Variants in SHCBP1 observed in about 807,000 individuals in gnomAD.
SHCBP1 encodes SHC SH2 domain-binding protein 1.
A neutral mutation model predicts 75.1 loss-of-function variants in SHCBP1; 60 were observed. That is an observed-to-expected ratio of 0.80 (90% CI 0.65 to 0.99). SHCBP1 has a LOEUF of 0.99. Among genes scored for constraint, SHCBP1 ranks in the 50% least tolerant of loss-of-function variants. SHCBP1 has a pLI of 0.00. For missense variants in SHCBP1, 709 were observed against 809.4 expected, an observed-to-expected ratio of 0.88 and a Z score of 1.50; for synonymous variants, 290 against 293.2, an observed-to-expected ratio of 0.99 and a Z score of 0.11.
chr16:46,595,769 C>T (rs1965128647), intron 9 of SHCBP1, 99 bp from the exon 10 acceptor site: 2 of 684,668 alleles, frequency 2.9e-6, no homozygotes, highest in African/African-American at 3.7e-5. Flanking sequence ...CTAAATATTT[C>T]TCAATGGCTA....
chr16:46,608,237 AT>A, intron 5 of SHCBP1, 59 bp downstream of exon 5: 2 of 1,223,288 alleles, frequency 1.6e-6, no homozygotes, highest in Non-Finnish European at 2.4e-6. Context: ...CACAGGCAAA[AT>A]TAAACCATGG....
At position 46,618,319 on chromosome 16, in the gene SHCBP1, C is replaced by G; in HGVS notation, c.157G>C (p.Gly53Arg). 6.2e-7 allele frequency: 1 copy of G among 1,613,212 alleles called. No individual in the cohort carries two copies. The highest frequency in any genetic ancestry group is 8.5e-7 in the Non-Finnish European group (1 of 1,179,774). The change falls in exon 2 of 13, where the codon GGT becomes CGT. Residue 53 changes from glycine (G) to arginine (R), a missense_variant. Gly to Arg is a moderately radical substitution (Grantham distance 125). Coordinates refer to ENST00000303383, the MANE Select transcript of SHCBP1 (RefSeq NM_024745.5). The part of the protein sequence containing the change: ...CSDCSYRDKP[G>R]SSLQSFMPEG... ...GGCATAAAACTTTGTAAACTAGAAC[C>G]TGGTTTATCACGGTAGCTACAATCA...
Position 46,617,671 on chromosome 16 carries a change from G to A in SHCBP1, c.350C>T (p.Ala117Val), listed in dbSNP as rs1045374791. The A allele has an allele frequency of 1.2e-6, 2 of 1,613,642 alleles. No individual in the cohort carries two copies. The highest frequency in any genetic ancestry group is 1.7e-6 in the Non-Finnish European group (2 of 1,180,014). Residue 117 changes from alanine to valine, a missense_variant, in exon 3 of 13, where the codon GCA becomes GTA. Ala to Val is a moderately conservative substitution (Grantham distance 64). Transcript: ENST00000303383. ...EKVLEPSGWR[A>V]VWHTNVFKVL... is the part of the protein sequence containing the mutation. ...CTTGAACACATTAGTGTGCCAGACT[G>A]CCCGCCATCCAGATGGCTCAAGGAC... is the stretch of plus-strand genomic sequence containing the variant.
At chr16:46,612,473 T>C (rs1234791105) in intron 4 of SHCBP1, among the ~76,000 whole-genome samples, 1 of 152,122 alleles carries the variant, frequency 6.6e-6, no homozygotes, top group Non-Finnish European at 1.5e-5. Flanking sequence ...CTTTTGTTGT[T>C]GTTGTTGTTG....
chr16:46,594,836 C>A (rs1371187002), intron 10 of SHCBP1, among the ~76,000 whole-genome samples: 2 of 152,144 alleles, frequency 1.3e-5, no homozygotes, highest in African/African-American at 4.8e-5. Context: ...AAACTGGAGA[C>A]AATCTAGACA....
At position 46,579,115 on chromosome 16, in the gene SHCBP1, C is replaced by T. The variant is rs868678541; in HGVS notation, c.*2614G>A. ...CATCTAAAGAAGCTAAAATAAAATA[C>T]TCAAATCAGCAAAATAGAATTTTGC... On this transcript the variant is annotated 3_prime_UTR_variant, in exon 13 of 13. Transcript: ENST00000303383. 2.6e-5 allele frequency among the ~76,000 whole-genome samples: 4 copies of T among 152,136 alleles called. No homozygotes were observed. The highest frequency in any genetic ancestry group is 4.4e-5 in the Non-Finnish European group (3 of 68,014).
chr16:46,604,415 C>G lies in SHCBP1; in HGVS notation c.736G>C (p.Asp246His), dbSNP rs768024463. ...EDRVPSGLIV[D>H]YHNLLSQCEE... ...CATTGAGACAACAGATTGTGGTAGTCAACAATAAGTCCTGATGGAACTCGG... is the reference window on the plus strand; with the variant it reads ...CATTGAGACAACAGATTGTGGTAGTGAACAATAAGTCCTGATGGAACTCGG... The change falls in exon 6 of 13, where the codon GAC (aspartate) becomes CAC (histidine). Residue 246 changes from aspartate to histidine, a missense_variant. By Grantham distance (81) the Asp-to-His change is moderately conservative. Coordinates refer to ENST00000303383, the MANE Select transcript of SHCBP1 (RefSeq NM_024745.5). 104 of 1,613,968 alleles carry G rather than the reference C, an allele frequency of 6.4e-5. 2 individuals carry two copies. In the South Asian group the frequency reaches 1.1e-3, roughly 17 times the overall value.
In SHCBP1 at chr16:46,616,573, A is replaced by T. The variant is rs1385185234; in HGVS notation, c.388-419T>A. On this transcript the variant is annotated intron_variant, in intron 3 of 12. Coordinates refer to ENST00000303383, the MANE Select transcript of SHCBP1 (RefSeq NM_024745.5). This position sits in a 1 kb window ranked among gnomAD's most constrained non-coding sequence, Gnocchi z 4.4. Reference sequence around the variant, plus strand: ...TGCTGGAGCCAAAGGGAGGAAATGGAGGAGGGGGGCGGTGTGCAGTGGAGC... The same window carrying T: ...TGCTGGAGCCAAAGGGAGGAAATGGTGGAGGGGGGCGGTGTGCAGTGGAGC... Among the ~76,000 whole-genome samples, 5 of 152,074 alleles carry T rather than the reference A, an allele frequency of 3.3e-5. No homozygotes were observed. The highest frequency in any genetic ancestry group is 5.9e-5 in the Non-Finnish European group (4 of 68,008).
intron 5 of SHCBP1, among the ~76,000 whole-genome samples, chr16:46,604,937 T>A (rs2334116): frequency 0.99 from 150,051 of 152,302 alleles, 73,944 homozygotes; most frequent in East Asian, 1. Flanking sequence ...AAAATTTTTT[T>A]AAGGTTATCA....
chr16:46,604,158 A>C lies in SHCBP1; in HGVS notation c.924-15T>G. ...CAAACACATACCTTAAAGAAACGAA[A>C]CAGGCCTATCAGTAAGACAGCAAGT... On this transcript the variant is annotated splice_polypyrimidine_tract_variant and intron_variant, in intron 6 of 12. Transcript: ENST00000303383. 1 of 1,613,694 alleles carries C rather than the reference A, an allele frequency of 6.2e-7. No homozygotes were observed. The highest frequency in any genetic ancestry group is 1.1e-5 in the South Asian group (1 of 90,942).
chr16:46,596,489 A>AGAGTGAGACCTCTGCCTCTTGGTT (rs1491175786), intron 9 of SHCBP1, among the ~76,000 whole-genome samples: 1 of 151,582 alleles, frequency 6.6e-6, no homozygotes, highest in Non-Finnish European at 1.5e-5. Context: ...CCTGGGTGAC[A>AGAGTGAGACCTCTGCCTCTTGGTT]GAGTGAGACC....
In SHCBP1 at chr16:46,581,810, C is replaced by T. The variant is rs1306317986; in HGVS notation, c.1938G>A (p.Met646Ile). ...CAATCCCAACAAACATCTCCTGTGA[C>T]ATTAAGTTGTCATCAGCTTGCGTGA... ...LGITQADDNL[M>I]SQEMFVGIVG... Residue 646 changes from methionine (M) to isoleucine (I), a missense_variant, in exon 13 of 13, where the codon ATG becomes ATA. Physicochemically the swap from Met to Ile is conservative, Grantham distance 10 (BLOSUM62 1). Transcript: ENST00000303383. The T allele has an allele frequency of 1.2e-6, 2 of 1,614,082 alleles. No homozygotes were observed. Among genetic ancestry groups the T allele is most frequent in the African/African-American group, 1.3e-5 (1 of 74,928 alleles).
intron 9 of SHCBP1, 134 bp downstream of exon 9, chr16:46,599,693 CTCAG>C: frequency 4.9e-5 from 1 of 20,404 alleles, no homozygotes; most frequent in Non-Finnish European, 9.0e-5. Context: ...AAAAAAAAAA[CTCAG>C]CATCGTGAAG....
chr16:46,621,115 TG>T, intron 1 of SHCBP1, 141 bp downstream of exon 1: 1 of 683,656 alleles, frequency 1.5e-6, no homozygotes, highest in Non-Finnish European at 2.3e-6. Context: ...GTCCCGTCAC[TG>T]GGTCCCGGCC....
At chr16:46,618,481 A>G (rs1965537917) in intron 1 of SHCBP1, 109 bp from the exon 2 acceptor site, 4 of 1,212,222 alleles carry the variant, frequency 3.3e-6, no homozygotes, top group Non-Finnish European at 4.4e-6. Flanking sequence ...GAATTTGAAT[A>G]TGAATAGTCT....
chr16:46,595,558 G>A lies in SHCBP1; in HGVS notation c.1458C>T (p.Gly486=), dbSNP rs781210656. Residue 486 remains glycine (G), a synonymous_variant, in exon 10 of 13, where the codon GGC becomes GGT. Coordinates refer to ENST00000303383, the MANE Select transcript of SHCBP1 (RefSeq NM_024745.5). The stretch of plus-strand genomic sequence containing the variant: ...AGAGGACAAGAGCTTCTACCTTGGC[G>A]CCATATAAATCCGAGTTCTTCATTA... ...EFLMKNSDLY[G]AKGAGIEIYP... The A allele has an allele frequency of 3.4e-5, 55 of 1,612,666 alleles. No homozygotes were observed. The highest frequency in any genetic ancestry group is 1.2e-4 in the African/African-American group (9 of 74,824).
rs1965507248 is a variant in SHCBP1, at chr16:46,616,828, TA to T, written c.388-675del. Among the ~76,000 whole-genome samples the T allele has an allele frequency of 6.6e-6, 1 of 152,130 alleles. No homozygotes were observed. Among genetic ancestry groups the T allele is most frequent in the Non-Finnish European group, 1.5e-5 (1 of 68,032 alleles). ...CTGATTGGCGGGGGGGCACTTATCA[TA>T]ACCAAATGAATAGGCCTGAACTTCA... On this transcript the variant is annotated intron_variant, in intron 3 of 12. Transcript: ENST00000303383. This position sits in a 1 kb window ranked among gnomAD's most constrained non-coding sequence, Gnocchi z 4.4.
chr16:46,587,836 T>C (rs1270319505), intron 10 of SHCBP1, among the ~76,000 whole-genome samples: 7 of 152,146 alleles, frequency 4.6e-5, no homozygotes, highest in Admixed American at 1.3e-4. Flanking sequence ...TACAGAACTC[T>C]CCACCCCAAA....
At chr16:46,586,100 A>G (rs1002501074) in intron 10 of SHCBP1, among the ~76,000 whole-genome samples, 1 of 152,232 alleles carries the variant, frequency 6.6e-6, no homozygotes, top group Non-Finnish European at 1.5e-5. Flanking sequence ...ACCAAGAATC[A>G]GGAAAATGTC....
Sources: allele counts gnomAD v4.1 joint callset (sites outside exome capture counted in the v4.1 genomes callset), GRCh38; gene constraint gnomAD v4.1.1; non-coding constraint Gnocchi (gnomAD v3.1); transcripts MANE v1.5; gene names NCBI Gene and HGNC (gene_info 2026-07-23, HGNC 2026-07-21).